The following G2E3 variants were observed in gnomAD, a reference collection of about 807,000 sequenced individuals.
G2E3 encodes the protein G2/M phase-specific E3 ubiquitin-protein ligase.
G2E3 carries 35 observed loss-of-function variants against 92.8 expected under a neutral mutation model. That is an observed-to-expected ratio of 0.38 (90% CI 0.29 to 0.50). The LOEUF is 0.50. G2E3 is among the 20% of genes least tolerant of loss of function. The probability of loss-of-function intolerance (pLI) is 0.94; values close to 1 mark genes in which losing one functional copy is unlikely to be tolerated. For missense variants in G2E3, 554 were observed against 823.8 expected (o/e 0.67, Z 4.01); for synonymous variants, 242 against 272.4 (o/e 0.89, Z 1.10).
At chr14:30,602,365 T>A (rs896780940) in intron 10 of G2E3, among the ~76,000 whole-genome samples, 4 of 46,484 alleles carry the variant, frequency 8.6e-5, no homozygotes, top group African/African-American at 4.9e-4. Context: ...GGGAAAAGTG[T>A]ATCTATCCTA....
At chr14:30,598,694 T>C in intron 8 of G2E3, 95 bp downstream of exon 8, 1 of 830,956 alleles carries the variant, frequency 1.2e-6, no homozygotes, top group Non-Finnish European at 2.1e-6. Flanking sequence ...AGTTTTTCTC[T>C]TAGGATGTTA....
chr14:30,565,054 T>C (rs1051276956), intron 1 of G2E3, among the ~76,000 whole-genome samples: 1 of 152,224 alleles, frequency 6.6e-6, no homozygotes, highest in African/African-American at 2.4e-5. Context: ...ATTGCCAAAC[T>C]GTTTTCCACC....
rs1445655867 is a variant in G2E3 at position 30,615,414 on chromosome 14, G to T, written c.1739G>T (p.Cys580Phe). 1.2e-6 allele frequency: 2 copies of T among 1,610,724 alleles called. No homozygotes were observed. The highest frequency in any genetic ancestry group is 1.7e-6 in the Non-Finnish European group (2 of 1,177,622). The stretch of plus-strand genomic sequence containing the variant: ...ATTCAGGCTTATCCAGAAGCATTTT[G>T]TAGCATCCTGTGTCATAAACCTGAG... ...EKIQAYPEAF[C>F]SILCHKPESL... Residue 580 changes from cysteine (C) to phenylalanine (F), a missense_variant, in exon 14 of 15, where the codon TGT (cysteine) becomes TTT (phenylalanine). Physicochemically the swap from Cys to Phe is radical, Grantham distance 205. Transcript: ENST00000206595.
chr14:30,582,714 T>A (rs1234832095), intron 2 of G2E3, among the ~76,000 whole-genome samples: 1 of 152,082 alleles, frequency 6.6e-6, no homozygotes, highest in Non-Finnish European at 1.5e-5. Flanking sequence ...TTTGCTGGAG[T>A]TAATGTGAAC....
intron 3 of G2E3, among the ~76,000 whole-genome samples, chr14:30,588,829 A>C (rs1880855972): frequency 6.6e-6 from 1 of 152,164 alleles, no homozygotes; most frequent in South Asian, 2.1e-4. Context: ...CTTAAGTCAA[A>C]TTTTTAAAAA....
chr14:30,618,606 CAG>C lies in G2E3; in HGVS notation c.*2073_*2074del, dbSNP rs1017544895. ...TCATTTGACTTATTTTATATATAGA[CAG>C]GGCCTTAGTGATAAGATGGTGTAAA... On this transcript the variant is annotated 3_prime_UTR_variant, in exon 15 of 15. Transcript: ENST00000206595. 6.6e-5 allele frequency: 10 copies of C among 152,152 alleles called. No homozygotes were observed. Among genetic ancestry groups the C allele is most frequent in the Non-Finnish European group, 1.2e-4 (8 of 67,940 alleles). The allele number at this position is 152,152 out of a possible 1,614,324, so 9.4% of individuals were successfully genotyped here.
intron 1 of G2E3, chr14:30,560,210 C>G (rs1337607517): frequency 1.3e-5 from 2 of 151,784 alleles, no homozygotes; most frequent in African/African-American, 2.4e-5. Context: ...TAAAAGTGTG[C>G]CATAAATGTA....
intron 4 of G2E3, 93 bp downstream of exon 4, chr14:30,589,577 C>A: frequency 1.5e-6 from 1 of 676,830 alleles, no homozygotes; most frequent in Non-Finnish European, 2.6e-6. Flanking sequence ...AAATTTATGA[C>A]TTTGATTATA....
At chr14:30,572,652 ATTAC>A (rs1312070136) in intron 1 of G2E3, among the ~76,000 whole-genome samples, 3 of 152,090 alleles carry the variant, frequency 2.0e-5, no homozygotes. Context: ...AACATGGTGT[ATTAC>A]TTTACTTTTC....
chr14:30,572,193 C>T (rs1448027796), intron 1 of G2E3, among the ~76,000 whole-genome samples: 1 of 152,066 alleles, frequency 6.6e-6, no homozygotes, highest in Non-Finnish European at 1.5e-5. Flanking sequence ...TGCCTTGTTT[C>T]ATTACAACTT....
At chr14:30,607,396 T>C (rs958587077) in intron 11 of G2E3, among the ~76,000 whole-genome samples, 2 of 152,146 alleles carry the variant, frequency 1.3e-5, no homozygotes, top group African/African-American at 4.8e-5. Flanking sequence ...GTAAAGCCTA[T>C]TGGTTCTAGA....
chr14:30,604,996 A>G (rs1441674945), intron 10 of G2E3, among the ~76,000 whole-genome samples: 1 of 152,108 alleles, frequency 6.6e-6, no homozygotes, highest in Non-Finnish European at 1.5e-5. Context: ...TCCCGGGTTC[A>G]AGTGATTCTC....
chr14:30,593,369 T>A (rs1881113923), intron 5 of G2E3, 105 bp from the exon 6 acceptor site: 3 of 603,384 alleles, frequency 5.0e-6, no homozygotes, highest in Non-Finnish European at 8.6e-6. Context: ...AGGTGAATTA[T>A]GAGACAGACA....
At chr14:30,582,635 T>C (rs2138822891) in intron 2 of G2E3, among the ~76,000 whole-genome samples, 1 of 152,312 alleles carries the variant, frequency 6.6e-6, no homozygotes, top group African/African-American at 2.4e-5. Flanking sequence ...CGGGTAAAAG[T>C]GTAGGTATTG....
At chr14:30,562,724 C>T (rs1174714109) in intron 1 of G2E3, among the ~76,000 whole-genome samples, 1 of 152,184 alleles carries the variant, frequency 6.6e-6, no homozygotes, top group African/African-American at 2.4e-5. Context: ...TGCTGTGCTT[C>T]AATGGTCACA....
At chr14:30,578,861 T>C (rs915796536) in intron 1 of G2E3, among the ~76,000 whole-genome samples, 1 of 152,226 alleles carries the variant, frequency 6.6e-6, no homozygotes, top group African/African-American at 2.4e-5. Flanking sequence ...ACACACACGC[T>C]TCTTTCCATA....
intron 1 of G2E3, among the ~76,000 whole-genome samples, chr14:30,580,178 A>G (rs1212485612): frequency 3.3e-5 from 5 of 152,072 alleles, no homozygotes; most frequent in Non-Finnish European, 7.4e-5. Flanking sequence ...CAAATACGGT[A>G]TAGACTAATA....
At chr14:30,598,632 T>C (rs1465071678) in intron 8 of G2E3, 33 bp downstream of exon 8, 2 of 1,310,590 alleles carry the variant, frequency 1.5e-6, no homozygotes, top group South Asian at 2.4e-5. Context: ...GCTTAGTGGT[T>C]CCTTGTTTAA....
At chr14:30,595,434 A>G (rs1881232208) in intron 6 of G2E3, among the ~76,000 whole-genome samples, 1 of 152,196 alleles carries the variant, frequency 6.6e-6, no homozygotes, top group Non-Finnish European at 1.5e-5. Context: ...TTAAGCAAAG[A>G]AAGGTTCTCA....
Sources: gnomAD v4.1 joint callset for allele counts (sites outside exome capture counted in the v4.1 genomes callset) on GRCh38, gnomAD v4.1.1 for gene constraint, MANE v1.5 for transcripts, NCBI Gene and HGNC (gene_info 2026-07-23, HGNC 2026-07-21) for gene names.